Variants in NBPF11 observed in about 807,000 individuals in gnomAD.
NBPF11 encodes the protein NBPF member 11.
In NBPF11, 72 loss-of-function variants were observed where a neutral mutation model predicts 93.9. The ratio of observed to expected loss-of-function variants is 0.77; its 90% CI spans 0.63 to 0.93. The LOEUF is 0.93. Among genes scored for constraint, NBPF11 ranks in the 40% least tolerant of loss-of-function variants. The pLI, the probability that NBPF11 is intolerant of heterozygous loss-of-function variation, is 0.00. For missense variants in NBPF11, 705 were observed against 802.2 expected (o/e 0.88, Z 1.46); for synonymous variants, 224 against 304.9 (o/e 0.73, Z 2.76).
At chr1:148,122,898 T>C (rs1571449689) in intron 7 of NBPF11, 97 bp from the exon 8 acceptor site, 3 of 1,601,092 alleles carry the variant, frequency 1.9e-6, no homozygotes, top group East Asian at 4.5e-5. Context: ...CTATGTATGG[T>C]TCAGCATTGT....
intron 4 of NBPF11, among the ~76,000 whole-genome samples, chr1:148,134,152 T>C (rs1483793080): frequency 2.0e-5 from 3 of 151,608 alleles, no homozygotes; most frequent in African/African-American, 7.3e-5. Flanking sequence ...CCCTCACCCA[T>C]GCATTTCTTA....
At chr1:148,103,986 G>C in intron 23 of NBPF11, 74 bp from the exon 24 acceptor site, 1 of 1,609,140 alleles carries the variant, frequency 6.2e-7, no homozygotes, top group Non-Finnish European at 8.5e-7. Flanking sequence ...GATTTCAGAA[G>C]TAACATAAGG....
chr1:148,105,801 A>G (rs1414341906), intron 21 of NBPF11, among the ~76,000 whole-genome samples: 1 of 138,406 alleles, frequency 7.2e-6, no homozygotes, highest in African/African-American at 3.0e-5. Flanking sequence ...AAACGAGCTC[A>G]GTGAATTGTC....
chr1:148,145,433 T>TA (rs1222848439), intron 1 of NBPF11, among the ~76,000 whole-genome samples: 1 of 140,182 alleles, frequency 7.1e-6, no homozygotes, highest in Non-Finnish European at 1.5e-5. Context: ...GCTGGTTTCA[T>TA]ACTCCTGACC....
intron 10 of NBPF11, among the ~76,000 whole-genome samples, chr1:148,119,319 G>A (rs2994360): frequency 1.3e-5 from 2 of 151,998 alleles, no homozygotes; most frequent in South Asian, 4.1e-4. Flanking sequence ...TTTAGAAACA[G>A]CAGAATGAAG....
chr1:148,122,679 C>T (rs1668147096), intron 8 of NBPF11, 50 bp downstream of exon 8: 6 of 1,603,094 alleles, frequency 3.7e-6, no homozygotes, highest in Admixed American at 3.3e-5. Context: ...GCCTCCTAGA[C>T]ATTTTCATAT....
chr1:148,106,781 T>G lies in NBPF11; in HGVS notation c.2251+161A>C, dbSNP rs1252374771. On this transcript the variant is annotated intron_variant, in intron 20 of 23. Transcript: ENST00000682118. Reference sequence around the variant, plus strand: ...TCACTGACCCATTTCATGTCTAGGCTTCCAGCTGAGACTACAGTTTCATTA... The same window carrying G: ...TCACTGACCCATTTCATGTCTAGGCGTCCAGCTGAGACTACAGTTTCATTA... Among the ~76,000 whole-genome samples, 10 of 147,934 alleles carry G rather than the reference T, an allele frequency of 6.8e-5. No homozygotes were observed. In the Admixed American group the frequency reaches 6.8e-4, roughly 10 times the overall value.
At chr1:148,146,655 G>A (rs1673153757) in intron 1 of NBPF11, 4 of 1,611,674 alleles carry the variant, frequency 2.5e-6, no homozygotes, top group South Asian at 2.2e-5. Flanking sequence ...ACACCATCGA[G>A]GTCTTCCCCA....
At chr1:148,148,855 G>A (rs1421593632) in intron 1 of NBPF11, among the ~76,000 whole-genome samples, 3 of 151,690 alleles carry the variant, frequency 2.0e-5, no homozygotes, top group Non-Finnish European at 4.4e-5. Flanking sequence ...GAGGAGAGGC[G>A]CCAGGGCCTC....
chr1:148,122,788 A>G lies in NBPF11; in HGVS notation c.507T>C (p.Asp169=). 1 of 1,609,942 alleles carries G rather than the reference A, an allele frequency of 6.2e-7. No individual in the cohort carries two copies. Among genetic ancestry groups the G allele is most frequent in the Non-Finnish European group, 8.5e-7 (1 of 1,177,786 alleles). Residue 169 remains aspartate (D), a synonymous_variant, in exon 8 of 24, where the codon GAT becomes GAC. Coordinates refer to ENST00000682118, the MANE Select transcript of NBPF11 (RefSeq NM_001385469.3). ...CCTCAACTTGAACATCTTCATCCTC[A>G]TCTTCGTCATTTTCTATAAATACAA... ...VQKLSPENDE[D]EDEDVQVEED...
rs1399796018 is a variant in NBPF11 at position 148,152,151 on chromosome 1, T to A, written c.-950A>T. The A allele has an allele frequency of 2.0e-5, 3 of 152,098 alleles. 1 individual carries two copies. The highest frequency in any genetic ancestry group is 7.3e-5 in the African/African-American group (3 of 41,290). 9.4% of individuals were successfully genotyped at this position (152,098 alleles called of 1,614,324 possible). ...AAAATCCCTCTCTCCCCTCCGCCTC[T>A]CTTTCAAAGCACCAGCCCTTGACCC... On this transcript the variant is annotated 5_prime_UTR_variant, in exon 1 of 24. Transcript: ENST00000682118.
At chr1:148,110,123 G>A (rs1664893940) in intron 16 of NBPF11, among the ~76,000 whole-genome samples, 2 of 151,920 alleles carry the variant, frequency 1.3e-5, no homozygotes, top group Non-Finnish European at 2.9e-5. Context: ...CACCTGCCTT[G>A]AGTTCAATGT....
intron 23 of NBPF11, 51 bp from the exon 24 acceptor site, chr1:148,103,963 C>T: frequency 6.2e-7 from 1 of 1,610,028 alleles, no homozygotes; most frequent in African/African-American, 1.3e-5. Context: ...TCAGACACCA[C>T]AGAGCCCCAC....
chr1:148,124,397 C>T (rs1196899696), intron 6 of NBPF11, among the ~76,000 whole-genome samples: 9 of 149,576 alleles, frequency 6.0e-5, no homozygotes, highest in African/African-American at 2.0e-4. Context: ...TGTGAAAATA[C>T]ACATAGTGCA....
At chr1:148,151,423 C>A (rs1405548963) in intron 1 of NBPF11, among the ~76,000 whole-genome samples, 24 of 151,986 alleles carry the variant, frequency 1.6e-4, no homozygotes, top group African/African-American at 5.1e-4. Flanking sequence ...GGGTGGGGTG[C>A]GAAGTCAGTG....
chr1:148,109,526 T>G, intron 16 of NBPF11, 191 bp from the exon 17 acceptor site: 1 of 637,668 alleles, frequency 1.6e-6, no homozygotes, highest in Non-Finnish European at 2.8e-6. Context: ...TCATGAGCCT[T>G]GGGCAAAATT....
chr1:148,147,062 C>G, intron 1 of NBPF11: 1 of 897,918 alleles, frequency 1.1e-6, no homozygotes, highest in Non-Finnish European at 1.7e-6. Flanking sequence ...GGCCAGAGAG[C>G]CGGACAGGCG....
rs1343695355 is a variant in NBPF11 at position 148,147,362 on chromosome 1, C to T, written c.-548-3676G>A. 5.1e-4 allele frequency among the ~76,000 whole-genome samples: 78 copies of T among 152,162 alleles called. 2 individuals are homozygous for T. The highest frequency in any genetic ancestry group is 5.9e-4 in the Admixed American group (9 of 15,306). ...ACTGGCCCATGAGGCCCTGTGGCTG[C>T]GGAGCTTGGCCATCCTGGGGCAGGG... is the stretch of plus-strand genomic sequence containing the variant. On this transcript the variant is annotated intron_variant, in intron 1 of 23. Coordinates refer to ENST00000682118, the MANE Select transcript of NBPF11 (RefSeq NM_001385469.3).
At position 148,110,379 on chromosome 1, in the gene NBPF11, G is replaced by A; in HGVS notation, c.1800C>T (p.Gly600=). The change falls in exon 16 of 24, where the codon GGC becomes GGT. Residue 600 remains glycine, a splice_region_variant and synonymous_variant. Transcript: ENST00000682118. ...TCACCTTCACAATGGAGTACTCACT[G>A]CCTATGTCAACAGCCATGCAGACTT... ...EQQVCMAVDI[G]RHRWDQVKKE... 1 of 1,584,078 alleles carries A rather than the reference G, an allele frequency of 6.3e-7. No homozygotes were observed. Among genetic ancestry groups the A allele is most frequent in the Non-Finnish European group, 8.7e-7 (1 of 1,155,858 alleles).
Sources: gnomAD v4.1 joint callset for allele counts (sites outside exome capture counted in the v4.1 genomes callset) on GRCh38, gnomAD v4.1.1 for gene constraint, MANE v1.5 for transcripts, NCBI Gene and HGNC (gene_info 2026-07-23, HGNC 2026-07-21) for gene names.